Variants in APBB2 observed in about 807,000 individuals in gnomAD.
APBB2 encodes Fe65-like 1.
APBB2 carries 38 observed loss-of-function variants against 82.5 expected under a neutral mutation model. That is an observed-to-expected ratio of 0.46 (90% CI 0.36 to 0.60). The LOEUF (loss-of-function observed/expected upper bound fraction) is 0.60, where lower values mean the gene tolerates loss of function less well. Ranked by LOEUF, APBB2 falls within the 20% of genes least tolerant of loss-of-function variation. The pLI is 0.00. For missense variants in APBB2, 772 were observed against 972.3 expected, an observed-to-expected ratio of 0.79 and a Z score of 2.74; for synonymous variants, 341 against 368.2, an observed-to-expected ratio of 0.93 and a Z score of 0.85.
At chr4:40,857,131 G>A in intron 12 of APBB2, 1 of 985,468 alleles carries the variant, frequency 1.0e-6, no homozygotes, top group East Asian at 1.1e-4. Flanking sequence ...TCAAGCAGCC[G>A]CGCGCACTGC....
chr4:41,176,344 C>G (rs540566289), intron 1 of APBB2, among the ~76,000 whole-genome samples: 2 of 151,856 alleles, frequency 1.3e-5, no homozygotes, highest in Admixed American at 1.3e-4. Flanking sequence ...TATATCTACA[C>G]CCAATTCCCA....
intron 1 of APBB2, among the ~76,000 whole-genome samples, chr4:41,191,459 G>A (rs1774414561): frequency 6.6e-6 from 1 of 152,100 alleles, no homozygotes; most frequent in African/African-American, 2.4e-5. Context: ...AAGTGTGAAA[G>A]AAGATGGTTC....
chr4:40,865,924 TCAAA>T (rs773619676), intron 12 of APBB2, among the ~76,000 whole-genome samples: 10 of 152,148 alleles, frequency 6.6e-5, no homozygotes, highest in African/African-American at 1.7e-4. Context: ...ACCACCACCC[TCAAA>T]CAAACAAACC....
intron 12 of APBB2, among the ~76,000 whole-genome samples, chr4:40,872,893 C>A (rs1038742591): frequency 6.6e-6 from 1 of 151,848 alleles, no homozygotes; most frequent in Non-Finnish European, 1.5e-5. Context: ...CGAGACCAGC[C>A]TGGCCAACAT....
chr4:40,934,394 T>G (rs923999291), intron 10 of APBB2, 62 bp downstream of exon 10: 5 of 1,513,896 alleles, frequency 3.3e-6, no homozygotes, highest in Non-Finnish European at 4.6e-6. Context: ...TGGACAATGA[T>G]CCAAAGTCAT....
At chr4:40,984,802 G>T (rs1329655365) in intron 6 of APBB2, among the ~76,000 whole-genome samples, 1 of 152,138 alleles carries the variant, frequency 6.6e-6, no homozygotes, top group Non-Finnish European at 1.5e-5. Flanking sequence ...TTCTCATGTT[G>T]TGGGGAGTAC....
At chr4:41,005,067 A>G (rs1579173493) in intron 6 of APBB2, among the ~76,000 whole-genome samples, 2 of 152,088 alleles carry the variant, frequency 1.3e-5, no homozygotes, top group East Asian at 1.9e-4. Flanking sequence ...ATATTTCTGT[A>G]GCCTCTTTTA....
At chr4:41,158,654 G>A (rs900435116) in intron 1 of APBB2, among the ~76,000 whole-genome samples, 2 of 152,162 alleles carry the variant, frequency 1.3e-5, no homozygotes, top group Admixed American at 1.3e-4. Context: ...GGGTGTTGAG[G>A]GGTATCACTG....
At chr4:40,920,819 C>T (rs986560015) in intron 10 of APBB2, among the ~76,000 whole-genome samples, 4 of 151,710 alleles carry the variant, frequency 2.6e-5, no homozygotes, top group East Asian at 1.9e-4. Flanking sequence ...TGCTGTGAGC[C>T]GAGATCACAC....
intron 11 of APBB2, chr4:40,890,823 T>C (rs750273244): frequency 9.2e-5 from 18 of 194,686 alleles, no homozygotes; most frequent in Non-Finnish European, 1.7e-4. Context: ...CTTTTACTAA[T>C]TCCATGCCCA....
intron 12 of APBB2, chr4:40,880,832 C>A (rs1768262425): frequency 2.0e-6 from 2 of 980,662 alleles, no homozygotes; most frequent in Admixed American, 6.1e-5. Context: ...GCTACTGAAA[C>A]ATGCTCACAA....
intron 5 of APBB2, 113 bp downstream of exon 5, chr4:41,033,123 T>C: frequency 1.2e-6 from 1 of 810,260 alleles, no homozygotes; most frequent in Non-Finnish European, 2.0e-6. Flanking sequence ...AACAATGAAA[T>C]TAAAAAACAT....
At chr4:41,066,645 G>A (rs752023462) in intron 3 of APBB2, among the ~76,000 whole-genome samples, 15 of 152,178 alleles carry the variant, frequency 9.9e-5, no homozygotes, top group Admixed American at 3.3e-4. Context: ...AGTTAGCCGC[G>A]CTAGGGATGC....
chr4:40,857,239 C>T (rs1269229564), intron 12 of APBB2: 3 of 925,440 alleles, frequency 3.2e-6, no homozygotes, highest in East Asian at 2.4e-4. Flanking sequence ...AGGCGCGTGG[C>T]CCCGCCCCAC....
chr4:41,115,657 T>A (rs979698861), intron 2 of APBB2, among the ~76,000 whole-genome samples: 91 of 152,252 alleles, frequency 6.0e-4, no homozygotes, highest in African/African-American at 2.1e-3. Context: ...GGGCAAAGGA[T>A]ATGAACAGAC....
At chr4:40,914,182 A>G (rs551563829) in intron 10 of APBB2, among the ~76,000 whole-genome samples, 1 of 152,242 alleles carries the variant, frequency 6.6e-6, no homozygotes, top group African/African-American at 2.4e-5. Flanking sequence ...CATCCTGGCT[A>G]ACACGGTGAA....
chr4:41,213,790 G>A (rs1489215928), intron 1 of APBB2, among the ~76,000 whole-genome samples: 1 of 152,176 alleles, frequency 6.6e-6, no homozygotes, highest in Admixed American at 6.5e-5. Context: ...CGCTCTCTCT[G>A]CCACCGAGGG....
intron 5 of APBB2, among the ~76,000 whole-genome samples, chr4:41,024,649 A>T (rs147273404): frequency 6.6e-6 from 1 of 152,236 alleles, no homozygotes; most frequent in Admixed American, 6.5e-5. Context: ...CCTTCAACAT[A>T]GGGAGAAGAA....
chr4:40,945,628 T>G (rs975617341), intron 6 of APBB2, among the ~76,000 whole-genome samples: 2 of 152,190 alleles, frequency 1.3e-5, no homozygotes, highest in Admixed American at 1.3e-4. Flanking sequence ...ATTCTTTTTT[T>G]TCAAGATGGA....
Sources: gnomAD v4.1 joint callset for allele counts (sites outside exome capture counted in the v4.1 genomes callset) on GRCh38, gnomAD v4.1.1 for gene constraint, MANE v1.5 for transcripts, NCBI Gene and HGNC (gene_info 2026-07-23, HGNC 2026-07-21) for gene names.